SPECC1: variants seen among roughly 807,000 people sequenced by gnomAD.
SPECC1 encodes sperm antigen with calponin homology and coiled-coil domains 1.
Under a neutral mutation model 104.1 loss-of-function variants are expected in SPECC1, and 62 were observed. The ratio of observed to expected loss-of-function variants is 0.60; its 90% confidence interval spans 0.49 to 0.74. The LOEUF (loss-of-function observed/expected upper bound fraction) is 0.74, where lower values mean the gene tolerates loss of function less well. Ranked by LOEUF, SPECC1 falls within the 30% of genes least tolerant of loss-of-function variation. The probability of loss-of-function intolerance (pLI) is 0.00; values close to 1 mark genes in which losing one functional copy is unlikely to be tolerated. For synonymous variants in SPECC1, 513 were observed against 501.6 expected, an observed-to-expected ratio of 1.02 and a Z score of -0.30; for missense variants, 1,306 against 1,310.5, an observed-to-expected ratio of 1.00 and a Z score of 0.05.
intron 12 of SPECC1, among the ~76,000 whole-genome samples, chr17:20,261,873 TC>T (rs1217690952): frequency 2.0e-5 from 3 of 152,154 alleles, no homozygotes; most frequent in Non-Finnish European, 2.9e-5. Context: ...CAGTCACCAC[TC>T]CCATCCAGAA....
chr17:20,195,857 G>C (rs2035999178), intron 3 of SPECC1, among the ~76,000 whole-genome samples: 1 of 152,128 alleles, frequency 6.6e-6, no homozygotes, highest in Non-Finnish European at 1.5e-5. Context: ...CCCTTTACAA[G>C]TTTTTGTTAA....
chr17:20,247,581 T>C (rs532507292), intron 9 of SPECC1, among the ~76,000 whole-genome samples: 1 of 152,368 alleles, frequency 6.6e-6, no homozygotes, highest in Non-Finnish European at 1.5e-5. Flanking sequence ...GGTCACATTA[T>C]AGTAGAAGTT....
intron 1 of SPECC1, among the ~76,000 whole-genome samples, chr17:20,020,098 A>G (rs1014133360): frequency 6.6e-6 from 1 of 152,192 alleles, no homozygotes; most frequent in East Asian, 1.9e-4. Flanking sequence ...ACTGCTTCAC[A>G]TGCAGCTGAT....
chr17:20,166,357 A>G (rs1212958560), intron 3 of SPECC1, among the ~76,000 whole-genome samples: 1 of 152,220 alleles, frequency 6.6e-6, no homozygotes, highest in Non-Finnish European at 1.5e-5. Context: ...AAGGCCAGGA[A>G]GAAAACGTCA....
At chr17:20,072,863 A>G (rs1244768934) in intron 1 of SPECC1, among the ~76,000 whole-genome samples, 1 of 152,156 alleles carries the variant, frequency 6.6e-6, no homozygotes, top group Non-Finnish European at 1.5e-5. Flanking sequence ...GTGCCTGTGG[A>G]TATAACACAT....
At chr17:20,306,325 A>G (rs911765332) in intron 14 of SPECC1, among the ~76,000 whole-genome samples, 3 of 152,246 alleles carry the variant, frequency 2.0e-5, no homozygotes, top group Non-Finnish European at 4.4e-5. Context: ...GGACTGAATT[A>G]TTATTAGAGC....
intron 4 of SPECC1, among the ~76,000 whole-genome samples, chr17:20,223,839 CTTA>C (rs1260677593): frequency 1.3e-5 from 2 of 152,098 alleles, no homozygotes; most frequent in African/African-American, 4.8e-5. Context: ...TCACTGGTGT[CTTA>C]TTTACTTCAT....
At chr17:20,021,779 G>C (rs1022914739) in intron 1 of SPECC1, among the ~76,000 whole-genome samples, 1 of 146,794 alleles carries the variant, frequency 6.8e-6, no homozygotes, top group Admixed American at 6.8e-5. Context: ...CTCATGATCC[G>C]CCCGCCTTGG....
chr17:20,154,185 TATAAAGTTTACACTCTAGTGGAGGAACA>T (rs1288985470), intron 3 of SPECC1, among the ~76,000 whole-genome samples: 2 of 152,260 alleles, frequency 1.3e-5, no homozygotes, highest in Non-Finnish European at 2.9e-5. Flanking sequence ...TCTCTGTGTT[TATAAAGTTTACACTCTAGTGGAGGAACA>T]ATAATTAGTA....
At chr17:20,096,895 C>A in intron 2 of SPECC1, 97 bp downstream of exon 2, 1 of 1,458,622 alleles carries the variant, frequency 6.9e-7, no homozygotes. Context: ...CCTCTCGGGG[C>A]AGGGAAGGAG....
chr17:20,197,689 G>A (rs1372332456), intron 3 of SPECC1, among the ~76,000 whole-genome samples: 1 of 152,204 alleles, frequency 6.6e-6, no homozygotes, highest in African/African-American at 2.4e-5. Flanking sequence ...CATAAACAAG[G>A]TGGAGACTTC....
intron 4 of SPECC1, among the ~76,000 whole-genome samples, chr17:20,218,966 T>C (rs2037688632): frequency 6.6e-6 from 1 of 152,240 alleles, no homozygotes; most frequent in African/African-American, 2.4e-5. Flanking sequence ...ATCCATGTTG[T>C]TGCAAATAGC....
intron 1 of SPECC1, among the ~76,000 whole-genome samples, chr17:20,037,228 G>A (rs2045125074): frequency 6.6e-6 from 1 of 151,530 alleles, no homozygotes. Flanking sequence ...AGTTTAAGGA[G>A]TTTTGTGTCT....
intron 3 of SPECC1, among the ~76,000 whole-genome samples, chr17:20,152,411 CAG>C (rs1379981144): frequency 2.0e-5 from 3 of 152,290 alleles, no homozygotes; most frequent in African/African-American, 7.2e-5. Flanking sequence ...GGGGTGATAA[CAG>C]AGCAAGAATT....
chr17:20,034,202 A>T (rs575899427), intron 1 of SPECC1, among the ~76,000 whole-genome samples: 8 of 151,598 alleles, frequency 5.3e-5, no homozygotes, highest in African/African-American at 1.7e-4. Context: ...GGTTCAAGTG[A>T]TTCTCCTGCC....
rs141555953 is a variant in SPECC1 at position 20,205,835 on chromosome 17, C to G, written c.1786C>G (p.Leu596Val). The G allele has an allele frequency of 1.2e-6, 2 of 1,614,062 alleles. No individual in the cohort carries two copies. Among genetic ancestry groups the G allele is most frequent in the Non-Finnish European group, 1.7e-6 (2 of 1,180,038 alleles). The change falls in exon 4 of 15, where the codon CTG becomes GTG. Residue 596 changes from leucine to valine, a missense_variant. Transcript: ENST00000395527. ...CCGAGCAGAGAAAGATCTACTGGAACTGTCTTGCAATGAGCTCAGACAAGA... is the reference window on the plus strand; with the variant it reads ...CCGAGCAGAGAAAGATCTACTGGAAGTGTCTTGCAATGAGCTCAGACAAGA... The part of the protein sequence containing the change: ...VARAEKDLLE[L>V]SCNELRQELL...
rs369120593 is a variant in SPECC1, at chr17:20,091,209, G to A, written c.-21-5422G>A. Among the ~76,000 whole-genome samples, 37 of 152,210 alleles carry A rather than the reference G, an allele frequency of 2.4e-4. No homozygotes were observed. The East Asian group carries it at 6.0e-3, about 25-fold the overall frequency. On this transcript the variant is annotated intron_variant, in intron 1 of 14. Coordinates refer to ENST00000395527, the MANE Select transcript of SPECC1 (RefSeq NM_001243439.2). Reference sequence around the variant, plus strand: ...TACTGGGAAAGAATCTGAGGCTATTGGGATGATTTTTCATCTCAAGACTGT... The same window carrying A: ...TACTGGGAAAGAATCTGAGGCTATTAGGATGATTTTTCATCTCAAGACTGT...
At chr17:20,145,774 T>TGGCA (rs1178950608) in intron 3 of SPECC1, among the ~76,000 whole-genome samples, 3 of 152,192 alleles carry the variant, frequency 2.0e-5, no homozygotes, top group East Asian at 3.9e-4. Context: ...GCCAGCTCCC[T>TGGCA]GGCAGGCAGG....
chr17:20,132,153 A>G lies in SPECC1; in HGVS notation c.283+21591A>G, dbSNP rs2049679436. On this transcript the variant is annotated intron_variant, in intron 3 of 14. Coordinates refer to ENST00000395527, the MANE Select transcript of SPECC1 (RefSeq NM_001243439.2). ...TGTTTTCTCTGCATTGATAGATGTG[A>G]TTATGTGACTTTTCTTAGCCTGTTA... 2.6e-5 allele frequency among the ~76,000 whole-genome samples: 4 copies of G among 151,612 alleles called. No individual in the cohort carries two copies. In the South Asian group the frequency reaches 8.3e-4, roughly 31 times the overall value.
Sources: gnomAD v4.1 joint callset for allele counts (sites outside exome capture counted in the v4.1 genomes callset) on GRCh38, gnomAD v4.1.1 for gene constraint, MANE v1.5 for transcripts, NCBI Gene and HGNC (gene_info 2026-07-23, HGNC 2026-07-21) for gene names.